FSTL5: variants seen among roughly 807,000 people sequenced by gnomAD.
The protein encoded by FSTL5 is follistatin-related protein 5.
A neutral mutation model predicts 89.1 loss-of-function variants in FSTL5; 62 were observed. The observed-to-expected ratio is 0.70, with a 90% CI of 0.57 to 0.86. FSTL5 has a LOEUF of 0.86. Among genes scored for constraint, FSTL5 ranks in the 40% least tolerant of loss-of-function variants. The pLI is 0.00. For missense variants in FSTL5, 1,057 were observed against 1,001.6 expected (o/e 1.06, Z -0.75); for synonymous variants, 383 against 346.2 (o/e 1.11, Z -1.18).
intron 14 of FSTL5, among the ~76,000 whole-genome samples, chr4:161,458,910 T>G (rs1733460274): frequency 6.6e-6 from 1 of 152,236 alleles, no homozygotes; most frequent in African/African-American, 2.4e-5. Context: ...TGTACTTGCC[T>G]TACCAAAATT....
intron 13 of FSTL5, among the ~76,000 whole-genome samples, chr4:161,459,779 A>G (rs1733496181): frequency 6.6e-6 from 1 of 152,052 alleles, no homozygotes; most frequent in Admixed American, 6.5e-5. Flanking sequence ...AGATTTCACT[A>G]TCTGTAATGT....
chr4:161,418,716 T>C (rs1731875434), intron 15 of FSTL5, among the ~76,000 whole-genome samples: 1 of 152,226 alleles, frequency 6.6e-6, no homozygotes, highest in Admixed American at 6.5e-5. Context: ...TTAGTTTATA[T>C]GTTATTTAGT....
At chr4:161,689,216 A>G (rs1345852948) in intron 6 of FSTL5, among the ~76,000 whole-genome samples, 1 of 152,174 alleles carries the variant, frequency 6.6e-6, no homozygotes, top group Non-Finnish European at 1.5e-5. Context: ...TTCTTTTTCC[A>G]TGTTTAATAA....
At chr4:161,598,360 G>A (rs146683211) in intron 7 of FSTL5, among the ~76,000 whole-genome samples, 110 of 146,014 alleles carry the variant, frequency 7.5e-4, no homozygotes, top group African/African-American at 2.3e-3. Context: ...CAGTGACAGA[G>A]TGAGACCCTG....
At chr4:161,691,813 A>T (rs984382800) in intron 6 of FSTL5, among the ~76,000 whole-genome samples, 63 of 151,946 alleles carry the variant, frequency 4.1e-4, no homozygotes, top group African/African-American at 1.4e-3. Context: ...TCCTTTGAGG[A>T]CTGCTCATTG....
intron 4 of FSTL5, among the ~76,000 whole-genome samples, chr4:161,901,590 G>A (rs996306612): frequency 2.0e-5 from 3 of 152,106 alleles, no homozygotes; most frequent in African/African-American, 7.2e-5. Flanking sequence ...TTTATAAATG[G>A]TATTCAAATC....
intron 10 of FSTL5, among the ~76,000 whole-genome samples, chr4:161,525,678 G>T (rs866852113): frequency 6.6e-6 from 1 of 152,248 alleles, no homozygotes; most frequent in Non-Finnish European, 1.5e-5. Context: ...TGACATTGCT[G>T]GCTCTCAAGG....
At chr4:161,577,473 CAAAAAAAAAA>C (rs544029134) in intron 8 of FSTL5, among the ~76,000 whole-genome samples, 2 of 110,226 alleles carry the variant, frequency 1.8e-5, no homozygotes, top group Non-Finnish European at 3.5e-5. Flanking sequence ...AGAAAAAAGA[CAAAAAAAAAA>C]AAAAAAAAGG....
In FSTL5 at chr4:161,950,719, C is replaced by G. The variant is rs893872527; in HGVS notation, c.161-30067G>C. ...ACCTGTTCTCAGCCTACAATGGGCT[C>G]TAAGTGCCTCAAGGAAGCTCTCTTT... On this transcript the variant is annotated intron_variant, in intron 3 of 15. Transcript: ENST00000306100. Among the ~76,000 whole-genome samples, 3 of 152,240 alleles carry G rather than the reference C, an allele frequency of 2.0e-5. No homozygotes were observed. In the East Asian group the frequency reaches 5.8e-4, roughly 29 times the overall value.
chr4:161,437,444 T>A (rs374528594), intron 15 of FSTL5, among the ~76,000 whole-genome samples: 1 of 150,952 alleles, frequency 6.6e-6, no homozygotes, highest in Non-Finnish European at 1.5e-5. Flanking sequence ...GCGGGCGCCT[T>A]TAGTCCCAGC....
At chr4:161,583,185 A>C (rs1212691731) in intron 8 of FSTL5, among the ~76,000 whole-genome samples, 2 of 152,128 alleles carry the variant, frequency 1.3e-5, no homozygotes, top group Non-Finnish European at 2.9e-5. Flanking sequence ...TGGGCAACAG[A>C]GAAAGACTCC....
At chr4:162,157,622 A>T (rs756675733) in intron 1 of FSTL5, among the ~76,000 whole-genome samples, 2 of 152,150 alleles carry the variant, frequency 1.3e-5, no homozygotes, top group Non-Finnish European at 2.9e-5. Flanking sequence ...GTCAAAAGTG[A>T]AACATTGATT....
intron 3 of FSTL5, among the ~76,000 whole-genome samples, chr4:162,013,797 C>CT (rs111692343): frequency 0.11 from 15,213 of 144,462 alleles, 839 homozygotes; most frequent in East Asian, 0.14. Context: ...TGTATGGTGA[C>CT]TTTTTTTTTT....
chr4:161,445,267 T>C (rs922768156), intron 15 of FSTL5, among the ~76,000 whole-genome samples: 26 of 152,028 alleles, frequency 1.7e-4, no homozygotes, highest in Admixed American at 8.5e-4. Context: ...CCTCTACTTT[T>C]AGTCAGTTTC....
intron 2 of FSTL5, among the ~76,000 whole-genome samples, chr4:162,074,938 GCCCA>G (rs1237728371): frequency 6.6e-6 from 1 of 151,484 alleles, no homozygotes; most frequent in Non-Finnish European, 1.5e-5. Context: ...CTAACACAAA[GCCCA>G]TTTTATAATA....
intron 4 of FSTL5, among the ~76,000 whole-genome samples, chr4:161,818,388 C>T (rs1270025594): frequency 6.6e-6 from 1 of 152,202 alleles, no homozygotes; most frequent in Non-Finnish European, 1.5e-5. Flanking sequence ...AGGCAAGAAC[C>T]CGGGGATAAA....
intron 2 of FSTL5, among the ~76,000 whole-genome samples, chr4:162,039,862 T>C (rs1370557374): frequency 6.6e-6 from 1 of 151,998 alleles, no homozygotes; most frequent in Non-Finnish European, 1.5e-5. Context: ...TCAATCCATA[T>C]TATCCATAGG....
intron 4 of FSTL5, among the ~76,000 whole-genome samples, chr4:161,911,257 A>G (rs1462019366): frequency 1.3e-5 from 2 of 152,012 alleles, no homozygotes; most frequent in Non-Finnish European, 2.9e-5. Flanking sequence ...TTTTCTCTAT[A>G]AATTATTATT....
intron 12 of FSTL5, 83 bp from the exon 13 acceptor site, chr4:161,481,252 T>C: frequency 9.7e-7 from 1 of 1,033,038 alleles, no homozygotes; most frequent in South Asian, 2.0e-5. Context: ...AATTAATGTT[T>C]CATACTTTAC....
Sources: allele counts gnomAD v4.1 joint callset (sites outside exome capture counted in the v4.1 genomes callset), GRCh38; gene constraint gnomAD v4.1.1; transcripts MANE v1.5; gene names NCBI Gene and HGNC (gene_info 2026-07-23, HGNC 2026-07-21).